The following EGR3 variants were observed in gnomAD, a reference collection of about 807,000 sequenced individuals.
EGR3 encodes early growth response 3, also known as early growth response protein 3.
Under a neutral mutation model 22.4 loss-of-function variants are expected in EGR3, and 4 were observed. The observed-to-expected ratio is 0.18, with a 90% confidence interval of 0.09 to 0.41. The LOEUF (loss-of-function observed/expected upper bound fraction) is 0.41, where lower values mean the gene tolerates loss of function less well. Among genes scored for constraint, EGR3 ranks in the 10% least tolerant of loss-of-function variants. The pLI, the probability that EGR3 is intolerant of heterozygous loss-of-function variation, is 1.00. For synonymous variants in EGR3, 219 were observed against 226.8 expected (o/e 0.97, Z 0.31); for missense variants, 315 against 541.3 (o/e 0.58, Z 4.15).
chr8:22,691,266 G>T lies in EGR3; in HGVS notation c.371C>A (p.Thr124Lys). ...PPASGALSTQ[T>K]STASMVQPPQ... is the part of the protein sequence containing the mutation. Reference sequence around the variant, plus strand: ...TGGCTGCACCATGCTGGCCGTGGACGTCTGCGTGCTGAGCGCCCCTGAAGC... The same window carrying T: ...TGGCTGCACCATGCTGGCCGTGGACTTCTGCGTGCTGAGCGCCCCTGAAGC... Residue 124 changes from threonine (T) to lysine (K), a missense_variant, in exon 2 of 2, where the codon ACG (threonine) becomes AAG (lysine). Physicochemically the swap from Thr to Lys is moderately conservative, Grantham distance 78. Coordinates refer to ENST00000317216, the MANE Select transcript of EGR3 (RefSeq NM_004430.3). 6.2e-7 allele frequency: 1 copy of T among 1,613,990 alleles called. No individual in the cohort carries two copies. The highest frequency in any genetic ancestry group is 1.3e-5 in the African/African-American group (1 of 75,046).
intron 1 of EGR3, chr8:22,691,772 C>G: frequency 1.0e-6 from 1 of 985,384 alleles, no homozygotes; most frequent in Non-Finnish European, 1.2e-6. Context: ...GCGCGAGAAG[C>G]ATTGTTGTTC....
Position 22,691,357 on chromosome 8 carries a change from G to A in EGR3, c.280C>T (p.Pro94Ser). The change falls in exon 2 of 2, where the codon CCT becomes TCT. Residue 94 changes from proline (P) to serine (S), a missense_variant. Coordinates refer to ENST00000317216, the MANE Select transcript of EGR3 (RefSeq NM_004430.3). ...TYLGKFAFDS[P>S]SNWCQDNIIS... ...ATGTTGTCCTGGCACCAGTTGGAAG[G>A]GGAGTCGAAGGCGAACTTTCCCAAG... is the stretch of plus-strand genomic sequence containing the variant. 1.2e-6 allele frequency: 2 copies of A among 1,614,172 alleles called. No homozygotes were observed. Among genetic ancestry groups the A allele is most frequent in the Non-Finnish European group, 8.5e-7 (1 of 1,180,018 alleles).
chr8:22,690,614 C>T lies in EGR3; in HGVS notation c.1023G>A (p.Lys341=). The T allele has an allele frequency of 6.2e-7, 1 of 1,613,968 alleles. No homozygotes were observed. The stretch of plus-strand genomic sequence containing the variant: ...GCTTGCGCTCGTCGCTGCGCGCAAA[C>T]TTGCGCCCGCAGAACTCGCAGGCAA... ...KPFACEFCGR[K]FARSDERKRH... is the part of the protein sequence containing the mutation. The change falls in exon 2 of 2, where the codon AAG becomes AAA. Residue 341 remains lysine, a synonymous_variant. Transcript: ENST00000317216.
rs773427841 is a variant in EGR3, at chr8:22,690,782, A to T, written c.855T>A (p.Arg285=). 1 of 1,613,304 alleles carries T rather than the reference A, an allele frequency of 6.2e-7. No individual in the cohort carries two copies. Among genetic ancestry groups the T allele is most frequent in the Non-Finnish European group, 8.5e-7 (1 of 1,179,480 alleles). Residue 285 remains arginine, a synonymous_variant, in exon 2 of 2, where the codon CGT becomes CGA. Transcript: ENST00000317216. ...HACPAEGCDR[R]FSRSDELTRH... is the part of the protein sequence containing the mutation. ...GGGTCAGCTCGTCCGAACGGCTGAAACGGCGGTCGCAGCCCTCGGCCGGGC... is the reference window on the plus strand; with the variant it reads ...GGGTCAGCTCGTCCGAACGGCTGAATCGGCGGTCGCAGCCCTCGGCCGGGC...
Position 22,692,955 on chromosome 8 carries a change from AGCTGCCGCCGCCGCCGCCACC to A in EGR3, c.-32_-12del. ...GAGTTTGCCGGTCATAGCACTCCCGAGCTGCCGCCGCCGCCGCCACCGCCGCCACCGCCGCCGCTCGCTCCT... is the reference window on the plus strand; with the variant it reads ...GAGTTTGCCGGTCATAGCACTCCCGAGCCGCCACCGCCGCCGCTCGCTCCT... On this transcript the variant is annotated 5_prime_UTR_variant, in exon 1 of 2. Coordinates refer to ENST00000317216, the MANE Select transcript of EGR3 (RefSeq NM_004430.3). The surrounding 1 kb of genome is among the most constrained non-coding windows in gnomAD (Gnocchi z 6.2). 1 of 1,601,286 alleles carries A rather than the reference AGCTGCCGCCGCCGCCGCCACC, an allele frequency of 6.2e-7. No individual in the cohort carries two copies. Among genetic ancestry groups the A allele is most frequent in the Non-Finnish European group, 8.5e-7 (1 of 1,176,152 alleles).
Position 22,691,130 on chromosome 8 carries a change from G to A in EGR3, c.507C>T (p.Leu169=). ...SFHDPQGNPG[L]AYSPQDYQSA... is the part of the protein sequence containing the mutation. ...ATTGGTAATCCTGGGGGGAATAGGC[G>A]AGCCCGGGATTGCCCTGGGGGTCGT... The change falls in exon 2 of 2, where the codon CTC becomes CTT. Residue 169 remains leucine, a synonymous_variant. Coordinates refer to ENST00000317216, the MANE Select transcript of EGR3 (RefSeq NM_004430.3). The A allele has an allele frequency of 1.2e-6, 2 of 1,614,130 alleles. No homozygotes were observed. Among genetic ancestry groups the A allele is most frequent in the Non-Finnish European group, 1.7e-6 (2 of 1,180,032 alleles).
chr8:22,691,964 C>T, intron 1 of EGR3: 1 of 1,260,610 alleles, frequency 7.9e-7, no homozygotes, highest in Non-Finnish European at 1.0e-6. Context: ...GGTCGCCGAC[C>T]CAGAGCGCTC....
Position 22,690,393 on chromosome 8 carries a change from G to A in EGR3, c.*80C>T. On this transcript the variant is annotated 3_prime_UTR_variant, in exon 2 of 2. Coordinates refer to ENST00000317216, the MANE Select transcript of EGR3 (RefSeq NM_004430.3). ...GCCAGGGCGCGGCCCCTACGCCTCC[G>A]TGGCTGGCTTTCCCGCTGCTTTCAG... 7.9e-7 allele frequency: 1 copy of A among 1,271,504 alleles called. No homozygotes were observed. The highest frequency in any genetic ancestry group is 1.5e-5 in the African/African-American group (1 of 67,518). The allele number at this position is 1,271,504 out of a possible 1,614,324, so 78.8% of individuals were successfully genotyped here.
chr8:22,692,194 G>A lies in EGR3; in HGVS notation c.154+597C>T. The A allele has an allele frequency of 1.4e-6, 2 of 1,395,326 alleles. No individual in the cohort carries two copies. 86.4% of individuals were successfully genotyped at this position (1,395,326 alleles called of 1,614,324 possible). The stretch of plus-strand genomic sequence containing the variant: ...TCCCCAGCTCCCCGGCCCCGGGATC[G>A]TTCCCCGTGGCAGGCCCTCGCCCCG... On this transcript the variant is annotated intron_variant, in intron 1 of 1. Transcript: ENST00000317216. This position sits in a 1 kb window ranked among gnomAD's most constrained non-coding sequence, Gnocchi z 6.2.
Position 22,692,747 on chromosome 8 carries a change from C to T in EGR3, c.154+44G>A, listed in dbSNP as rs758210330. 12 of 1,608,758 alleles carry T rather than the reference C, an allele frequency of 7.5e-6. No homozygotes were observed. Among genetic ancestry groups the T allele is most frequent in the Non-Finnish European group, 9.3e-6 (11 of 1,178,476 alleles). The stretch of plus-strand genomic sequence containing the variant: ...GGTCGTCCCCTCCTCCTCTTCCTCT[C>T]CCCTTCCTTCCTCGCTGCCTCGCCG... On this transcript the variant is annotated intron_variant, in intron 1 of 1. Coordinates refer to ENST00000317216, the MANE Select transcript of EGR3 (RefSeq NM_004430.3). This position sits in a 1 kb window ranked among gnomAD's most constrained non-coding sequence, Gnocchi z 6.2.
Position 22,692,247 on chromosome 8 carries a change from G to GCCCTTACCTGTAGCCATCTGATTGTAA in EGR3, c.154+543_154+544insTTACAATCAGATGGCTACAGGTAAGGG. 1 of 1,442,488 alleles carries GCCCTTACCTGTAGCCATCTGATTGTAA rather than the reference G, an allele frequency of 6.9e-7. No homozygotes were observed. The highest frequency in any genetic ancestry group is 2.6e-5 in the Admixed American group (1 of 38,722). 89.4% of individuals were successfully genotyped at this position (1,442,488 alleles called of 1,614,324 possible). On this transcript the variant is annotated intron_variant, in intron 1 of 1. Transcript: ENST00000317216. The surrounding 1 kb of genome is among the most constrained non-coding windows in gnomAD (Gnocchi z 6.2). The stretch of plus-strand genomic sequence containing the variant: ...GGTGAACCCCCTCCTTCTCCCCGCC[G>GCCCTTACCTGTAGCCATCTGATTGTAA]TCCCCACACCCCCACGGCTTTGCTG...
In EGR3 at chr8:22,689,014, T is replaced by G. The variant is rs546444817; in HGVS notation, c.*1459A>C. 1.2e-4 allele frequency: 18 copies of G among 152,772 alleles called. No homozygotes were observed. Among genetic ancestry groups the G allele is most frequent in the East Asian group, 3.9e-4 (2 of 5,192 alleles). 9.5% of individuals were successfully genotyped at this position (152,772 alleles called of 1,614,324 possible). On this transcript the variant is annotated 3_prime_UTR_variant, in exon 2 of 2. Coordinates refer to ENST00000317216, the MANE Select transcript of EGR3 (RefSeq NM_004430.3). ...ATGTGTATACACACATATCCATACA[T>G]AGATGTGTATATGTGTATATATGTA...
rs1585224196 is a variant in EGR3, at chr8:22,693,158, A to T, written c.-214T>A. ...TTTTTGGGGGGCGGGAGAGGGCCCC[A>T]GGGGGTAATCCTCTTGGGTGCCTCA... is the stretch of plus-strand genomic sequence containing the variant. On this transcript the variant is annotated 5_prime_UTR_variant, in exon 1 of 2. Transcript: ENST00000317216. 3.6e-6 allele frequency: 2 copies of T among 551,866 alleles called. No individual in the cohort carries two copies. Among genetic ancestry groups the T allele is most frequent in the African/African-American group, 2.4e-5 (1 of 42,170 alleles). The allele number at this position is 551,866 out of a possible 1,614,324, so 34.2% of individuals were successfully genotyped here.
At position 22,692,062 on chromosome 8, in the gene EGR3, G is replaced by T. The variant is rs903343868; in HGVS notation, c.155-580C>A. On this transcript the variant is annotated intron_variant, in intron 1 of 1. Transcript: ENST00000317216. The surrounding 1 kb of genome is among the most constrained non-coding windows in gnomAD (Gnocchi z 6.2). ...CCCCGGCCCCAGCCTCCTCGGGCAT[G>T]AAGGAGCTTTAGGCTCTTGCTGGAG... 1.4e-5 allele frequency: 19 copies of T among 1,326,122 alleles called. No homozygotes were observed. The Admixed American group carries it at 1.5e-4, about 10-fold the overall frequency. The allele number at this position is 1,326,122 out of a possible 1,614,324, so 82.1% of individuals were successfully genotyped here.
rs1803814807 is a variant in EGR3 at position 22,687,699 on chromosome 8, T to C, written c.*2774A>G. 2 of 152,364 alleles carry C rather than the reference T, an allele frequency of 1.3e-5. No individual in the cohort carries two copies. The highest frequency in any genetic ancestry group is 2.9e-5 in the Non-Finnish European group (2 of 67,962). 9.4% of individuals were successfully genotyped at this position (152,364 alleles called of 1,614,324 possible). On this transcript the variant is annotated 3_prime_UTR_variant, in exon 2 of 2. Coordinates refer to ENST00000317216, the MANE Select transcript of EGR3 (RefSeq NM_004430.3). This position sits in a 1 kb window ranked among gnomAD's most constrained non-coding sequence, Gnocchi z 4.7. ...AGCTTTATGCTATAAAAACAAGAAA[T>C]AAAATAAGGAGATTTATAGGCCGGC...
rs571908932 is a variant in EGR3 at position 22,693,085 on chromosome 8, G to A, written c.-141C>T. On this transcript the variant is annotated 5_prime_UTR_variant, in exon 1 of 2. Transcript: ENST00000317216. Reference sequence around the variant, plus strand: ...TGCGAGAGGGAAAGTTCGGGGGGAGGGGGGAGGGAAGAAGGGAAGGGATGG... The same window carrying A: ...TGCGAGAGGGAAAGTTCGGGGGGAGAGGGGAGGGAAGAAGGGAAGGGATGG... 4 of 919,638 alleles carry A rather than the reference G, an allele frequency of 4.3e-6. No individual in the cohort carries two copies. The highest frequency in any genetic ancestry group is 2.7e-5 in the Admixed American group (1 of 37,620). The allele number at this position is 919,638 out of a possible 1,614,324, so 57.0% of individuals were successfully genotyped here. A position where few individuals can be genotyped will look rare whatever the true frequency, so the allele number is the denominator to read the frequency against.
chr8:22,693,007 A>T lies in EGR3; in HGVS notation c.-63T>A. 3 of 1,427,250 alleles carry T rather than the reference A, an allele frequency of 2.1e-6. No individual in the cohort carries two copies. The highest frequency in any genetic ancestry group is 1.9e-6 in the Non-Finnish European group (2 of 1,074,866). 88.4% of individuals were successfully genotyped at this position (1,427,250 alleles called of 1,614,324 possible). A position where few individuals can be genotyped will look rare whatever the true frequency, so the allele number is the denominator to read the frequency against. On this transcript the variant is annotated 5_prime_UTR_variant, in exon 1 of 2. Transcript: ENST00000317216. ...CACCGCCGCCGCTCGCTCCTAACGC[A>T]GCTTCCAGGCAAGCGGCATCCGAGA... is the stretch of plus-strand genomic sequence containing the variant.
rs1585223620 is a variant in EGR3 at position 22,692,399 on chromosome 8, C to A, written c.154+392G>T. The A allele has an allele frequency of 1.4e-6, 2 of 1,443,540 alleles. No individual in the cohort carries two copies. Among genetic ancestry groups the A allele is most frequent in the African/African-American group, 1.4e-5 (1 of 69,306 alleles). 89.4% of individuals were successfully genotyped at this position (1,443,540 alleles called of 1,614,324 possible). A position where few individuals can be genotyped will look rare whatever the true frequency, so the allele number is the denominator to read the frequency against. Reference sequence around the variant, plus strand: ...GAGCGCGGGTGAAAAAGACGCCGGGCTCCTCCCGGGAAGAGGGCGACAGCA... The same window carrying A: ...GAGCGCGGGTGAAAAAGACGCCGGGATCCTCCCGGGAAGAGGGCGACAGCA... On this transcript the variant is annotated intron_variant, in intron 1 of 1. Coordinates refer to ENST00000317216, the MANE Select transcript of EGR3 (RefSeq NM_004430.3). The surrounding 1 kb of genome is among the most constrained non-coding windows in gnomAD (Gnocchi z 6.2).
Position 22,690,810 on chromosome 8 carries a change from G to C in EGR3, c.827C>G (p.Ala276Gly). 3 of 1,612,304 alleles carry C rather than the reference G, an allele frequency of 1.9e-6. No homozygotes were observed. The highest frequency in any genetic ancestry group is 2.5e-6 in the Non-Finnish European group (3 of 1,178,742). Residue 276 changes from alanine (A) to glycine (G), a missense_variant, in exon 2 of 2, where the codon GCG becomes GGG. Ala to Gly is a moderately conservative substitution (Grantham distance 60). Around this residue, in one of 4 missense-constraint regions of EGR3, gnomAD observed 34 missense variants for 81.9 expected, o/e 0.42. Transcript: ENST00000317216. ...SKTPLHERPHACPAEGCDRRF... is the reference protein window; with the variant it reads ...SKTPLHERPHGCPAEGCDRRF... Reference sequence around the variant, plus strand: ...GCGGTCGCAGCCCTCGGCCGGGCACGCGTGGGGCCGTTCGTGGAGCGGTGT... The same window carrying C: ...GCGGTCGCAGCCCTCGGCCGGGCACCCGTGGGGCCGTTCGTGGAGCGGTGT...
Sources: gnomAD v4.1 joint callset for allele counts on GRCh38, gnomAD v4.1.1 for gene constraint, gnomAD v4.1.1 regional missense constraint, Gnocchi (gnomAD v3.1) non-coding constraint, MANE v1.5 for transcripts, NCBI Gene and HGNC (gene_info 2026-07-23, HGNC 2026-07-21) for gene names.